PHACTR1: variants seen among roughly 807,000 people sequenced by gnomAD.
PHACTR1 encodes phosphatase and actin regulator 1.
A neutral mutation model predicts 69.2 loss-of-function variants in PHACTR1; 16 were observed. That is an observed-to-expected ratio of 0.23 (90% CI 0.16 to 0.35). The LOEUF (loss-of-function observed/expected upper bound fraction) is 0.35, where lower values mean the gene tolerates loss of function less well. PHACTR1 is among the 10% of genes least tolerant of loss of function. PHACTR1 has a pLI of 1.00. For missense variants in PHACTR1, 510 were observed against 734.7 expected, an observed-to-expected ratio of 0.69 and a Z score of 3.54; for synonymous variants, 312 against 284.5, an observed-to-expected ratio of 1.10 and a Z score of -0.97.
intron 5 of PHACTR1, among the ~76,000 whole-genome samples, chr6:13,134,902 A>T (rs1821307542): frequency 6.6e-6 from 1 of 152,152 alleles, no homozygotes; most frequent in South Asian, 2.1e-4. Flanking sequence ...GTACTTAGGT[A>T]ACCTACCCGA....
At chr6:13,005,751 G>A (rs548848001) in intron 4 of PHACTR1, among the ~76,000 whole-genome samples, 9 of 152,142 alleles carry the variant, frequency 5.9e-5, no homozygotes, top group South Asian at 2.1e-4. Context: ...TGAATTCGAC[G>A]TCATATTTCC....
chr6:12,777,727 G>A (rs1056536699), intron 4 of PHACTR1, among the ~76,000 whole-genome samples: 1 of 148,986 alleles, frequency 6.7e-6, no homozygotes, highest in African/African-American at 2.5e-5. Context: ...TGCCTCCCAG[G>A]TTCAAGCAAT....
chr6:13,235,995 G>A (rs1665708338), intron 10 of PHACTR1, among the ~76,000 whole-genome samples: 1 of 152,142 alleles, frequency 6.6e-6, no homozygotes, highest in Admixed American at 6.5e-5. Flanking sequence ...GAGTAAATGA[G>A]GATTGGGGCT....
intron 4 of PHACTR1, among the ~76,000 whole-genome samples, chr6:12,777,340 G>A (rs986045729): frequency 1.8e-4 from 28 of 151,416 alleles, no homozygotes; most frequent in Middle Eastern, 3.4e-3. Flanking sequence ...TTATTTCATC[G>A]CCCAGGTAAT....
chr6:13,108,127 T>C (rs1296610747), intron 5 of PHACTR1, among the ~76,000 whole-genome samples: 2 of 152,138 alleles, frequency 1.3e-5, no homozygotes, highest in African/African-American at 4.8e-5. Flanking sequence ...TATGATTTCT[T>C]CTTGGACTCA....
rs190829324 is a variant in PHACTR1, at chr6:12,838,033, G to A, written c.250+88243G>A. On this transcript the variant is annotated intron_variant, in intron 4 of 14. Transcript: ENST00000332995. ...AGAATTCAGTTCCTTGCAGTTGTAG[G>A]ACTGAGGGACTTGGTTTCTCACCTG... Among the ~76,000 whole-genome samples the A allele has an allele frequency of 1.8e-3, 270 of 152,316 alleles. 1 individual carries two copies. Among genetic ancestry groups the A allele is most frequent in the Admixed American group, 2.2e-3 (33 of 15,296 alleles).
rs1253118874 is a variant in PHACTR1, at chr6:13,179,234, TCAAA to T, written c.497-3278_497-3275del. On this transcript the variant is annotated intron_variant, in intron 6 of 14. Coordinates refer to ENST00000332995, the MANE Select transcript of PHACTR1 (RefSeq NM_030948.6). This position sits in a 1 kb window ranked among gnomAD's most constrained non-coding sequence, Gnocchi z 4.2. ...CTGGGCAACAGAGTGAGACCCTGTC[TCAAA>T]CAAACAGCAACAACAACAACAACAA... Among the ~76,000 whole-genome samples the T allele has an allele frequency of 6.6e-6, 1 of 152,030 alleles. No homozygotes were observed. Among genetic ancestry groups the T allele is most frequent in the Non-Finnish European group, 1.5e-5 (1 of 68,020 alleles).
At chr6:12,786,079 T>C (rs1474637496) in intron 4 of PHACTR1, among the ~76,000 whole-genome samples, 1 of 152,224 alleles carries the variant, frequency 6.6e-6, no homozygotes, top group East Asian at 1.9e-4. Context: ...CTCAAAAATA[T>C]CAACATAGTG....
At chr6:12,906,110 TG>T (rs1339164371) in intron 4 of PHACTR1, among the ~76,000 whole-genome samples, 1 of 152,202 alleles carries the variant, frequency 6.6e-6, no homozygotes, top group African/African-American at 2.4e-5. Context: ...AAATGTCACT[TG>T]TGGTCTGAGT....
chr6:13,276,559 G>A (rs1778953737), intron 11 of PHACTR1, among the ~76,000 whole-genome samples: 1 of 152,178 alleles, frequency 6.6e-6, no homozygotes. Flanking sequence ...ATCACCTGAG[G>A]TCAGGAGTTC....
intron 4 of PHACTR1, among the ~76,000 whole-genome samples, chr6:12,945,160 T>G (rs1790537110): frequency 6.6e-6 from 1 of 152,142 alleles, no homozygotes; most frequent in African/African-American, 2.4e-5. Flanking sequence ...ATTCTTCCCC[T>G]TTTGCCTCCT....
At chr6:13,285,495 C>G (rs911876097) in intron 13 of PHACTR1, among the ~76,000 whole-genome samples, 4 of 152,212 alleles carry the variant, frequency 2.6e-5, no homozygotes, top group Non-Finnish European at 1.5e-5. Flanking sequence ...CCAGCCCCTC[C>G]TCCTCCCCTG....
chr6:13,013,942 G>T (rs1037674783), intron 4 of PHACTR1, among the ~76,000 whole-genome samples: 3 of 151,180 alleles, frequency 2.0e-5, no homozygotes, highest in Admixed American at 6.6e-5. Flanking sequence ...CGTTCGCCGC[G>T]CTGCAGGGAG....
chr6:12,969,288 G>T (rs1013849075), intron 4 of PHACTR1, among the ~76,000 whole-genome samples: 1 of 152,170 alleles, frequency 6.6e-6, no homozygotes, highest in African/African-American at 2.4e-5. Flanking sequence ...GGATTGCAGG[G>T]AATTCATACT....
At chr6:13,276,788 AAAAAAATTT>A (rs936489785) in intron 11 of PHACTR1, among the ~76,000 whole-genome samples, 6 of 152,088 alleles carry the variant, frequency 3.9e-5, no homozygotes, top group Admixed American at 2.6e-4. Flanking sequence ...ATAAAAAATT[AAAAAAATTT>A]AAAAAATAAA....
intron 4 of PHACTR1, among the ~76,000 whole-genome samples, chr6:12,989,708 G>A (rs1432216721): frequency 6.6e-6 from 1 of 152,200 alleles, no homozygotes; most frequent in Non-Finnish European, 1.5e-5. Context: ...GGCTGCGAAA[G>A]GCCCAGAGTT....
At chr6:13,024,794 C>T (rs934552714) in intron 4 of PHACTR1, among the ~76,000 whole-genome samples, 8 of 152,218 alleles carry the variant, frequency 5.3e-5, no homozygotes, top group African/African-American at 1.2e-4. Context: ...TGCCCTTTGC[C>T]GTGGGAGTAG....
At chr6:13,046,284 C>A (rs1008677898) in intron 4 of PHACTR1, among the ~76,000 whole-genome samples, 17 of 152,192 alleles carry the variant, frequency 1.1e-4, no homozygotes, top group African/African-American at 3.9e-4. Flanking sequence ...CCCATCCCCA[C>A]CGGGACTTGC....
chr6:12,828,739 G>T (rs1777079829), intron 4 of PHACTR1, among the ~76,000 whole-genome samples: 1 of 149,810 alleles, frequency 6.7e-6, no homozygotes, highest in South Asian at 2.1e-4. Flanking sequence ...ATTATTTTTG[G>T]GGAAAAATAA....
Sources: allele counts gnomAD v4.1 joint callset (sites outside exome capture counted in the v4.1 genomes callset), GRCh38; gene constraint gnomAD v4.1.1; non-coding constraint Gnocchi (gnomAD v3.1); transcripts MANE v1.5; gene names NCBI Gene and HGNC (gene_info 2026-07-23, HGNC 2026-07-21).